The following NRXN3 variants were observed in gnomAD, a reference collection of about 807,000 sequenced individuals.
The protein encoded by NRXN3 is neurexin 3, also known as neurexin III.
NRXN3 carries 32 observed loss-of-function variants against 137.6 expected under a neutral mutation model. The ratio of observed to expected loss-of-function variants is 0.23; its 90% CI spans 0.18 to 0.31. The LOEUF is 0.31. Among genes scored for constraint, NRXN3 ranks in the 10% least tolerant of loss-of-function variants. The pLI is 1.00. For synonymous variants in NRXN3, 798 were observed against 784.5 expected (o/e 1.02, Z -0.29); for missense variants, 1,574 against 2,062.5 (o/e 0.76, Z 4.59).
At chr14:78,849,322 AG>A (rs2099036295) in intron 10 of NRXN3, among the ~76,000 whole-genome samples, 1 of 152,126 alleles carries the variant, frequency 6.6e-6, no homozygotes, top group African/African-American at 2.4e-5. Flanking sequence ...GTGCAAGGAA[AG>A]TCTCAGTTGT....
chr14:79,682,946 C>G (rs1263184426), intron 17 of NRXN3, among the ~76,000 whole-genome samples: 2 of 152,136 alleles, frequency 1.3e-5, no homozygotes, highest in Non-Finnish European at 2.9e-5. Flanking sequence ...AAAAGAATTT[C>G]CTTCAGACTA....
At chr14:78,514,192 C>T (rs2096163309) in intron 4 of NRXN3, among the ~76,000 whole-genome samples, 1 of 151,956 alleles carries the variant, frequency 6.6e-6, no homozygotes, top group Non-Finnish European at 1.5e-5. Context: ...GTTCCAAGAC[C>T]GCAATGAAAG....
intron 19 of NRXN3, among the ~76,000 whole-genome samples, chr14:79,741,559 A>C (rs1369422671): frequency 6.6e-6 from 1 of 151,946 alleles, no homozygotes; most frequent in Admixed American, 6.6e-5. Flanking sequence ...ATCTTGGCTT[A>C]CTGCAACCTC....
chr14:79,477,300 G>A (rs1337041661), intron 16 of NRXN3, among the ~76,000 whole-genome samples: 2 of 152,036 alleles, frequency 1.3e-5, no homozygotes, highest in Non-Finnish European at 2.9e-5. Flanking sequence ...CAGGTAATAT[G>A]GATTAGCACA....
Position 79,354,399 on chromosome 14 carries a change from A to C in NRXN3, c.3263-112822A>C, listed in dbSNP as rs2093344458. On this transcript the variant is annotated intron_variant, in intron 15 of 20. Transcript: ENST00000335750. The stretch of plus-strand genomic sequence containing the variant: ...CCAAAACACTATAAATGTATCACCA[A>C]AAAATAAACATTTTTTAAAAAAATT... 2.0e-5 allele frequency among the ~76,000 whole-genome samples: 3 copies of C among 152,226 alleles called. No individual in the cohort carries two copies. The South Asian group carries it at 6.2e-4, about 32-fold the overall frequency.
chr14:78,662,454 G>C (rs1341468201), intron 6 of NRXN3, among the ~76,000 whole-genome samples: 4 of 151,938 alleles, frequency 2.6e-5, no homozygotes, highest in African/African-American at 9.7e-5. Flanking sequence ...GTGGAAGCTG[G>C]GTACTTAACA....
At chr14:79,852,127 T>A (rs2099392724) in intron 20 of NRXN3, among the ~76,000 whole-genome samples, 3 of 151,964 alleles carry the variant, frequency 2.0e-5, no homozygotes, top group Non-Finnish European at 4.4e-5. Flanking sequence ...AAATATGCCA[T>A]CTAAAGGCTT....
At chr14:79,247,026 C>T (rs1165421859) in intron 15 of NRXN3, 1 of 152,290 alleles carries the variant, frequency 6.6e-6, no homozygotes, top group African/African-American at 2.4e-5. Context: ...AATGCTTGAG[C>T]ACCAGAATTT....
At chr14:78,996,581 A>G (rs1279371120) in intron 15 of NRXN3, among the ~76,000 whole-genome samples, 1 of 152,092 alleles carries the variant, frequency 6.6e-6, no homozygotes, top group Non-Finnish European at 1.5e-5. Context: ...GGGGGATGCT[A>G]TTTTATTTTA....
intron 17 of NRXN3, among the ~76,000 whole-genome samples, chr14:79,674,058 C>T (rs74394317): frequency 0.017 from 2,542 of 152,038 alleles, 31 homozygotes; most frequent in Non-Finnish European, 0.025. Context: ...GATCCAAGTT[C>T]AGTAGCGGGT....
chr14:79,347,402 T>C (rs2092941208), intron 15 of NRXN3, among the ~76,000 whole-genome samples: 1 of 152,036 alleles, frequency 6.6e-6, no homozygotes, highest in African/African-American at 2.4e-5. Context: ...TCTGAAATGA[T>C]TTTTAGAATG....
intron 15 of NRXN3, among the ~76,000 whole-genome samples, chr14:79,179,352 G>A (rs532889735): frequency 2.2e-4 from 34 of 152,172 alleles, no homozygotes; most frequent in Middle Eastern, 3.4e-3. Context: ...TTCACTTCTC[G>A]ATGTTTTCTT....
At chr14:79,699,867 CTT>C (rs893900597) in intron 19 of NRXN3, among the ~76,000 whole-genome samples, 7 of 152,100 alleles carry the variant, frequency 4.6e-5, no homozygotes, top group Admixed American at 3.3e-4. Context: ...TGTTGAGACT[CTT>C]TGGTTTTAAG....
chr14:79,417,380 C>T (rs1022266940), intron 15 of NRXN3, among the ~76,000 whole-genome samples: 1 of 152,048 alleles, frequency 6.6e-6, no homozygotes, highest in African/African-American at 2.4e-5. Flanking sequence ...TCATTTTTCT[C>T]ACTTCTTGCT....
chr14:79,388,417 G>A lies in NRXN3; in HGVS notation c.3263-78804G>A, dbSNP rs146956637. ...TTATATTTAGATGCTACTATTAGCA[G>A]ATGATTTGTGCGTATGTCTTGCCCT... is the stretch of plus-strand genomic sequence containing the variant. On this transcript the variant is annotated intron_variant, in intron 15 of 20. Transcript: ENST00000335750. Among the ~76,000 whole-genome samples, 1,301 of 152,154 alleles carry A rather than the reference G, an allele frequency of 8.6e-3. 14 individuals are homozygous for A. The highest frequency in any genetic ancestry group is 0.03 in the African/African-American group (1,227 of 41,492).
intron 4 of NRXN3, among the ~76,000 whole-genome samples, chr14:78,393,729 G>A (rs776865621): frequency 1.3e-5 from 2 of 151,894 alleles, no homozygotes; most frequent in Non-Finnish European, 2.9e-5. Context: ...CTATGTTGGG[G>A]TTTCAATCCA....
chr14:79,588,240 C>CTG (rs1555541309), intron 16 of NRXN3, among the ~76,000 whole-genome samples: 1 of 152,134 alleles, frequency 6.6e-6, no homozygotes, highest in Non-Finnish European at 1.5e-5. Context: ...GTTATATAAC[C>CTG]TGTGGTCTAT....
chr14:79,593,613 G>A (rs112157272), intron 16 of NRXN3, among the ~76,000 whole-genome samples: 36,944 of 140,790 alleles, frequency 0.26, 5,366 homozygotes, highest in African/African-American at 0.39. Context: ...CCTGCACTAC[G>A]GAGCGAGACT....
chr14:78,777,872 C>T (rs2098749699), intron 8 of NRXN3, among the ~76,000 whole-genome samples: 1 of 152,176 alleles, frequency 6.6e-6, no homozygotes, highest in African/African-American at 2.4e-5. Flanking sequence ...AAGTGATCCT[C>T]TCACCTTAGC....
Sources: gnomAD v4.1 joint callset for allele counts (sites outside exome capture counted in the v4.1 genomes callset) on GRCh38, gnomAD v4.1.1 for gene constraint, MANE v1.5 for transcripts, NCBI Gene and HGNC (gene_info 2026-07-23, HGNC 2026-07-21) for gene names.